Variants in CSMD1 observed in about 807,000 individuals in gnomAD.
CSMD1 encodes the protein CUB and sushi domain-containing protein 1.
Under a neutral mutation model 417.5 loss-of-function variants are expected in CSMD1, and 213 were observed. The observed-to-expected ratio is 0.51, with a 90% CI of 0.46 to 0.57. The LOEUF is 0.57. Ranked by LOEUF, CSMD1 falls within the 20% of genes least tolerant of loss-of-function variation. The pLI is 0.00. For synonymous variants in CSMD1, 2,862 were observed against 1,736.8 expected, an observed-to-expected ratio of 1.65 and a Z score of -16.11; for missense variants, 6,923 against 4,529.7, an observed-to-expected ratio of 1.53 and a Z score of -15.17.
At chr8:3,670,619 T>C (rs774658458) in intron 7 of CSMD1, among the ~76,000 whole-genome samples, 1 of 148,288 alleles carries the variant, frequency 6.7e-6, no homozygotes, top group Non-Finnish European at 1.5e-5. Flanking sequence ...TATATGGGGA[T>C]ATATATATGG....
At chr8:3,925,037 G>C (rs934002851) in intron 5 of CSMD1, among the ~76,000 whole-genome samples, 1 of 152,114 alleles carries the variant, frequency 6.6e-6, no homozygotes, top group Non-Finnish European at 1.5e-5. Context: ...ATCCTGCCTA[G>C]AGATACTGTG....
intron 7 of CSMD1, among the ~76,000 whole-genome samples, chr8:3,621,073 G>C (rs76870432): frequency 6.6e-6 from 1 of 152,172 alleles, no homozygotes. Flanking sequence ...TCCATGTGAA[G>C]ACACAAGAAG....
chr8:4,359,608 C>G (rs1177452835), intron 3 of CSMD1, among the ~76,000 whole-genome samples: 1 of 152,174 alleles, frequency 6.6e-6, no homozygotes, highest in Non-Finnish European at 1.5e-5. Flanking sequence ...TGAATTAACT[C>G]AAGAGTCAAT....
chr8:3,263,759 A>T (rs774843340), intron 26 of CSMD1, among the ~76,000 whole-genome samples: 9 of 152,180 alleles, frequency 5.9e-5, no homozygotes, highest in Admixed American at 1.3e-4. Flanking sequence ...AAGTCAACTA[A>T]CTTTCTTTAA....
intron 26 of CSMD1, among the ~76,000 whole-genome samples, chr8:3,231,783 A>T (rs73185509): frequency 0.074 from 11,206 of 152,270 alleles, 594 homozygotes; most frequent in Non-Finnish European, 0.11. Flanking sequence ...ATCAGGACTT[A>T]ATTAGTACCT....
At chr8:4,000,313 C>A (rs1445990393) in intron 4 of CSMD1, among the ~76,000 whole-genome samples, 4 of 152,336 alleles carry the variant, frequency 2.6e-5, no homozygotes, top group East Asian at 1.9e-4. Flanking sequence ...CTGCCCAGCT[C>A]GCCACAGTTT....
At chr8:4,473,480 C>G (rs568451795) in intron 2 of CSMD1, among the ~76,000 whole-genome samples, 1 of 152,184 alleles carries the variant, frequency 6.6e-6, no homozygotes, top group Non-Finnish European at 1.5e-5. Context: ...TACCCAGTGT[C>G]TGCAAATCCA....
intron 3 of CSMD1, among the ~76,000 whole-genome samples, chr8:4,303,581 T>A (rs1354021497): frequency 6.6e-6 from 1 of 152,122 alleles, no homozygotes; most frequent in Non-Finnish European, 1.5e-5. Flanking sequence ...CGTTGGTGAC[T>A]GTGTGGCACC....
At chr8:3,187,141 C>T (rs751248612) in intron 36 of CSMD1, among the ~76,000 whole-genome samples, 16 of 152,136 alleles carry the variant, frequency 1.1e-4, no homozygotes, top group Non-Finnish European at 1.9e-4. Context: ...ACAGTGATGA[C>T]CAGGGAGATA....
At chr8:4,469,935 T>A (rs1289484340) in intron 2 of CSMD1, among the ~76,000 whole-genome samples, 1 of 151,016 alleles carries the variant, frequency 6.6e-6, no homozygotes, top group Non-Finnish European at 1.5e-5. Flanking sequence ...TGGTGTGATC[T>A]CGGCTCACTG....
chr8:4,401,625 C>T (rs895852939), intron 3 of CSMD1, among the ~76,000 whole-genome samples: 2 of 152,088 alleles, frequency 1.3e-5, no homozygotes, highest in African/African-American at 2.4e-5. Flanking sequence ...ACAAGAATCC[C>T]GGATTCTGTG....
chr8:3,529,875 A>C (rs913368833), intron 10 of CSMD1, among the ~76,000 whole-genome samples: 10 of 152,162 alleles, frequency 6.6e-5, no homozygotes, highest in African/African-American at 2.4e-4. Context: ...AGCAAGAGAG[A>C]AGCAGGGCAA....
chr8:4,935,360 G>C (rs1353197849), intron 1 of CSMD1, among the ~76,000 whole-genome samples: 3 of 152,192 alleles, frequency 2.0e-5, no homozygotes, highest in Non-Finnish European at 4.4e-5. Context: ...ATCGCCCTGT[G>C]TGTATCCTTA....
chr8:3,824,906 G>A lies in CSMD1; in HGVS notation c.819-70864C>T, dbSNP rs116566393. ...TAAAATGAGAATTGTAAAGATTTCA[G>A]CCCTGTTAATTAGCACCATAAAAAC... On this transcript the variant is annotated intron_variant, in intron 5 of 69. Transcript: ENST00000635120. Among the ~76,000 whole-genome samples the A allele has an allele frequency of 6.4e-3, 979 of 152,222 alleles. 11 individuals carry two copies. The highest frequency in any genetic ancestry group is 0.021 in the African/African-American group (881 of 41,526).
At position 4,093,890 on chromosome 8, in the gene CSMD1, G is replaced by T. The variant is rs906249868; in HGVS notation, c.416-61791C>A. ...CAGGAGAATCACTTGAACGCAGGAG[G>T]CAGAGGTTTCAGTGAGCCCAGATTG... On this transcript the variant is annotated intron_variant, in intron 3 of 69. Transcript: ENST00000635120. 5.9e-5 allele frequency among the ~76,000 whole-genome samples: 9 copies of T among 152,188 alleles called. No individual in the cohort carries two copies. In the East Asian group the frequency reaches 9.7e-4, roughly 16 times the overall value.
chr8:3,087,112 T>G lies in CSMD1; in HGVS notation c.7459A>C (p.Thr2487Pro). The stretch of plus-strand genomic sequence containing the variant: ...CATTTCTTACCCTGGCAGAGTGGCG[T>G]GAGGGAGTCCCACTGGTACATGCCA... ...PLGMYQWDSL[T>P]PLCQAVSCGI... The change falls in exon 49 of 70, where the codon ACG becomes CCG. Residue 2487 changes from threonine (T) to proline (P), a missense_variant. Transcript: ENST00000635120. The G allele has an allele frequency of 5.6e-6, 9 of 1,613,360 alleles. No homozygotes were observed. The highest frequency in any genetic ancestry group is 7.6e-6 in the Non-Finnish European group (9 of 1,179,844).
At chr8:3,289,388 T>A (rs1434869686) in intron 25 of CSMD1, among the ~76,000 whole-genome samples, 1 of 147,476 alleles carries the variant, frequency 6.8e-6, no homozygotes, top group Admixed American at 6.7e-5. Flanking sequence ...TCTAGATCCC[T>A]GAGGAATCGC....
chr8:4,005,649 T>C (rs570752442), intron 4 of CSMD1, among the ~76,000 whole-genome samples: 2 of 152,238 alleles, frequency 1.3e-5, no homozygotes, highest in Admixed American at 6.5e-5. Context: ...GTGTCTCCCA[T>C]GGATACTATA....
chr8:3,181,710 G>T (rs1202289042), intron 36 of CSMD1, among the ~76,000 whole-genome samples: 1 of 152,050 alleles, frequency 6.6e-6, no homozygotes, highest in Non-Finnish European at 1.5e-5. Flanking sequence ...GTTCCCCCTG[G>T]ATCTGTTGAT....
Sources: gnomAD v4.1 joint callset for allele counts (sites outside exome capture counted in the v4.1 genomes callset) on GRCh38, gnomAD v4.1.1 for gene constraint, MANE v1.5 for transcripts, NCBI Gene and HGNC (gene_info 2026-07-23, HGNC 2026-07-21) for gene names.